The following UNC79 variants were observed in gnomAD, a reference collection of about 807,000 sequenced individuals.
UNC79 encodes unc-79 subunit of NALCN channel complex.
A neutral mutation model predicts 283.1 loss-of-function variants in UNC79; 37 were observed. The observed-to-expected ratio is 0.13, with a 90% CI of 0.10 to 0.17. The LOEUF is 0.17. Ranked by LOEUF, UNC79 falls within the 10% of genes least tolerant of loss-of-function variation. The pLI, the probability that UNC79 is intolerant of heterozygous loss-of-function variation, is 1.00. For synonymous variants in UNC79, 1,107 were observed against 1,200.2 expected, an observed-to-expected ratio of 0.92 and a Z score of 1.61; for missense variants, 2,272 against 3,211.1, an observed-to-expected ratio of 0.71 and a Z score of 7.07.
intron 14 of UNC79, among the ~76,000 whole-genome samples, chr14:93,557,853 G>T (rs1298036460): frequency 6.6e-6 from 1 of 152,158 alleles, no homozygotes; most frequent in African/African-American, 2.4e-5. Context: ...ACAGTTTCAA[G>T]TTTGCAAAGG....
At chr14:93,691,317 A>G (rs746835590) in intron 45 of UNC79, 10 of 194,842 alleles carry the variant, frequency 5.1e-5, no homozygotes, top group Middle Eastern at 2.2e-3. Context: ...TGCTATGATT[A>G]TGAACTTCTG....
chr14:93,643,708 G>C lies in UNC79; in HGVS notation c.6044+11G>C, dbSNP rs2069286883. The C allele has an allele frequency of 3.7e-6, 6 of 1,611,534 alleles. No individual in the cohort carries two copies. Among genetic ancestry groups the C allele is most frequent in the Middle Eastern group, 2.2e-4 (1 of 4,578 alleles). Reference sequence around the variant, plus strand: ...GCAGTCTGTGGGAAGGTGAATGTCAGCTTCTGTTTTGTTTGGTAGGAAGGT... The same window carrying C: ...GCAGTCTGTGGGAAGGTGAATGTCACCTTCTGTTTTGTTTGGTAGGAAGGT... On this transcript the variant is annotated intron_variant, in intron 34 of 48. Transcript: ENST00000555664.
At chr14:93,449,040 G>A (rs1439729365) in intron 1 of UNC79, among the ~76,000 whole-genome samples, 5 of 152,130 alleles carry the variant, frequency 3.3e-5, no homozygotes, top group Non-Finnish European at 5.9e-5. Context: ...CCTTCCTTTC[G>A]TGTCTTCCTG....
intron 7 of UNC79, among the ~76,000 whole-genome samples, chr14:93,504,687 T>A (rs1434342377): frequency 6.6e-6 from 1 of 152,034 alleles, no homozygotes; most frequent in Non-Finnish European, 1.5e-5. Flanking sequence ...TAATTTTTAG[T>A]ATATTGGTCT....
At chr14:93,370,146 C>T (rs957102361) in intron 1 of UNC79, among the ~76,000 whole-genome samples, 3 of 151,982 alleles carry the variant, frequency 2.0e-5, no homozygotes, top group East Asian at 1.9e-4. Flanking sequence ...ACACGATATC[C>T]GGCTATCAAG....
chr14:93,362,743 A>G (rs1170004791), intron 1 of UNC79, among the ~76,000 whole-genome samples: 1 of 152,064 alleles, frequency 6.6e-6, no homozygotes, highest in Admixed American at 6.6e-5. Context: ...GAATTTATCA[A>G]CTTTTTTCTA....
Position 93,476,541 on chromosome 14 carries a change from G to A in UNC79, c.449-1017G>A, listed in dbSNP as rs539211998. On this transcript the variant is annotated intron_variant, in intron 3 of 48. Transcript: ENST00000555664. Reference sequence around the variant, plus strand: ...GGCCACATCCTTTCTGTTGTTAGCTGATGTGCCTGTTAAGATGGCATATTA... The same window carrying A: ...GGCCACATCCTTTCTGTTGTTAGCTAATGTGCCTGTTAAGATGGCATATTA... Among the ~76,000 whole-genome samples the A allele has an allele frequency of 2.6e-5, 4 of 152,272 alleles. No individual in the cohort carries two copies. In the South Asian group the frequency reaches 8.3e-4, roughly 32 times the overall value.
At chr14:93,417,848 C>G (rs1299172097) in intron 1 of UNC79, among the ~76,000 whole-genome samples, 2 of 151,802 alleles carry the variant, frequency 1.3e-5, no homozygotes, top group Non-Finnish European at 2.9e-5. Flanking sequence ...TCACGTAGTT[C>G]TCGAGCCTTG....
At position 93,474,074 on chromosome 14, in the gene UNC79, T is replaced by G. The variant is rs979228735; in HGVS notation, c.144-15T>G. 1 of 1,511,694 alleles carries G rather than the reference T, an allele frequency of 6.6e-7. No homozygotes were observed. Among genetic ancestry groups the G allele is most frequent in the African/African-American group, 1.4e-5 (1 of 71,800 alleles). The allele number at this position is 1,511,694 out of a possible 1,614,324, so 93.6% of individuals were successfully genotyped here. On this transcript the variant is annotated splice_polypyrimidine_tract_variant and intron_variant, in intron 2 of 48. Transcript: ENST00000555664. The surrounding 1 kb of genome is among the most constrained non-coding windows in gnomAD (Gnocchi z 4.1). ...TGTCTTTGTTGTCTCTTTTTTTTCTTTGTCCCCCCAACAGCATTTTGTCCC... is the reference window on the plus strand; with the variant it reads ...TGTCTTTGTTGTCTCTTTTTTTTCTGTGTCCCCCCAACAGCATTTTGTCCC...
At chr14:93,633,560 A>G (rs1227430265) in intron 31 of UNC79, among the ~76,000 whole-genome samples, 1 of 152,128 alleles carries the variant, frequency 6.6e-6, no homozygotes, top group Non-Finnish European at 1.5e-5. Context: ...CTTATAACAC[A>G]GAGAATAACC....
Position 93,690,438 on chromosome 14 carries a change from T to C in UNC79, c.7272+135T>C. 1 of 992,242 alleles carries C rather than the reference T, an allele frequency of 1.0e-6. No individual in the cohort carries two copies. The highest frequency in any genetic ancestry group is 1.9e-5 in the South Asian group (1 of 52,028). 61.5% of individuals were successfully genotyped at this position (992,242 alleles called of 1,614,324 possible). ...CCTGTGGATGTTAGAAACACAACTT[T>C]GTGCTAATGTCTTATTTAAAGTTGT... On this transcript the variant is annotated intron_variant, in intron 45 of 48. Coordinates refer to ENST00000555664, the Ensembl canonical transcript of UNC79. The surrounding 1 kb of genome is among the most constrained non-coding windows in gnomAD (Gnocchi z 4.3).
At chr14:93,440,035 TG>T (rs1234062554) in intron 1 of UNC79, among the ~76,000 whole-genome samples, 4 of 151,924 alleles carry the variant, frequency 2.6e-5, no homozygotes, top group Admixed American at 2.6e-4. Flanking sequence ...CAAAAATATT[TG>T]GGAAAAAAAC....
intron 14 of UNC79, among the ~76,000 whole-genome samples, chr14:93,562,910 G>A (rs1346966553): frequency 6.6e-6 from 1 of 152,186 alleles, no homozygotes. Flanking sequence ...AGCTTGATGT[G>A]AAGGGAAGGG....
At position 93,622,425 on chromosome 14, in the gene UNC79, A is replaced by G. The variant is rs375047890; in HGVS notation, c.5192A>G (p.Glu1731Gly). ...GCCGAAGGATCCTCAAAGCCAGAGG[A>G]GCTGCCAGAGTTCTCCTGCGGTAGC... Residue 1731 changes from glutamate (E) to glycine (G), a missense_variant, in exon 30 of 49, where the codon GAG (glutamate) becomes GGG (glycine). Physicochemically the swap from Glu to Gly is moderately conservative, Grantham distance 98. Coordinates refer to ENST00000555664, the Ensembl canonical transcript of UNC79. 50 of 1,614,020 alleles carry G rather than the reference A, an allele frequency of 3.1e-5. No homozygotes were observed. The highest frequency in any genetic ancestry group is 6.7e-5 in the Admixed American group (4 of 59,996).
intron 1 of UNC79, among the ~76,000 whole-genome samples, chr14:93,434,226 A>G (rs951279748): frequency 9.2e-5 from 14 of 152,132 alleles, no homozygotes; most frequent in South Asian, 4.1e-4. Flanking sequence ...AAAGAAAAAA[A>G]AAAAGAAAAG....
intron 2 of UNC79, among the ~76,000 whole-genome samples, chr14:93,469,352 G>A (rs1241374223): frequency 6.6e-6 from 1 of 152,088 alleles, no homozygotes; most frequent in Non-Finnish European, 1.5e-5. Flanking sequence ...TTCAAACGGA[G>A]GCAACATCAA....
At chr14:93,495,534 AG>A (rs1290850581) in intron 5 of UNC79, among the ~76,000 whole-genome samples, 3 of 152,206 alleles carry the variant, frequency 2.0e-5, no homozygotes, top group African/African-American at 7.2e-5. Context: ...CAAGAAAAAA[AG>A]GGTGTTGACA....
Position 93,577,721 on chromosome 14 carries a change from T to C in UNC79, c.2212-121T>C, listed in dbSNP as rs990732819. The C allele has an allele frequency of 4.2e-5, 40 of 941,774 alleles. No homozygotes were observed. In the African/African-American group the frequency reaches 5.6e-4, roughly 13 times the overall value. 58.3% of individuals were successfully genotyped at this position (941,774 alleles called of 1,614,324 possible). On this transcript the variant is annotated intron_variant, in intron 17 of 48. Coordinates refer to ENST00000555664, the Ensembl canonical transcript of UNC79. The stretch of plus-strand genomic sequence containing the variant: ...TAGTATTTGGAGGTACTAATGCCAT[T>C]GGTTAAGGAAAGAAATAAGTGTGAC...
intron 11 of UNC79, among the ~76,000 whole-genome samples, chr14:93,535,401 G>A (rs1639090048): frequency 6.6e-6 from 1 of 152,210 alleles, no homozygotes; most frequent in Non-Finnish European, 1.5e-5. Flanking sequence ...TTGACTTTTA[G>A]TCGGTATTCC....
Sources: gnomAD v4.1 joint callset for allele counts (sites outside exome capture counted in the v4.1 genomes callset) on GRCh38, gnomAD v4.1.1 for gene constraint, Gnocchi (gnomAD v3.1) non-coding constraint, MANE v1.5 for transcripts, NCBI Gene and HGNC (gene_info 2026-07-23, HGNC 2026-07-21) for gene names.